The following ATR variants were observed in gnomAD, a reference collection of about 807,000 sequenced individuals.
ATR encodes the protein ATR checkpoint kinase, also known as serine/threonine-protein kinase ATR.
ATR carries 142 observed loss-of-function variants against 305.3 expected under a neutral mutation model. The ratio of observed to expected loss-of-function variants is 0.47; its 90% CI spans 0.41 to 0.53. The LOEUF (loss-of-function observed/expected upper bound fraction) is 0.53, where lower values mean the gene tolerates loss of function less well. Among genes scored for constraint, ATR ranks in the 20% least tolerant of loss-of-function variants. ATR has a pLI of 0.00. For missense variants in ATR, 2,135 were observed against 3,133.1 expected (o/e 0.68, Z 7.60); for synonymous variants, 1,050 against 1,068.1 (o/e 0.98, Z 0.33).
At position 142,547,841 on chromosome 3, in the gene ATR, G is replaced by T. The variant is rs139173669; in HGVS notation, c.3241C>A (p.Leu1081Met). 16 of 1,613,866 alleles carry T rather than the reference G, an allele frequency of 9.9e-6. 1 individual carries two copies. The highest frequency in any genetic ancestry group is 3.3e-4 in the Middle Eastern group (2 of 6,060). Residue 1081 changes from leucine to methionine, a missense_variant, in exon 16 of 47, where the codon CTG becomes ATG. Around this residue, in one of 9 missense-constraint regions of ATR, gnomAD observed 530 missense variants for 766.8 expected, o/e 0.69. Coordinates refer to ENST00000350721, the MANE Select transcript of ATR (RefSeq NM_001184.4). ...TGTTGATAGTGTTCTCCAATACGCA[G>T]CAATAATTCATTATGCAATCCTTGG... is the stretch of plus-strand genomic sequence containing the variant. ...DFQGLHNELL[L>M]RIGEHYQQVF...
rs147303648 is a variant in ATR, at chr3:142,543,434, C to T, written c.3358-677G>A. On this transcript the variant is annotated intron_variant, in intron 16 of 46. Coordinates refer to ENST00000350721, the MANE Select transcript of ATR (RefSeq NM_001184.4). The stretch of plus-strand genomic sequence containing the variant: ...CCCTCCTTTCCTCCCTCCCTCCGTC[C>T]GTCCTTTCTTCCTCCCTCCTTTCCT... 5.4e-4 allele frequency among the ~76,000 whole-genome samples: 79 copies of T among 145,806 alleles called. 1 individual carries two copies. The highest frequency in any genetic ancestry group is 2.7e-3 in the Admixed American group (40 of 14,596).
At chr3:142,552,012 C>T (rs1054536602) in intron 13 of ATR, among the ~76,000 whole-genome samples, 1 of 152,102 alleles carries the variant, frequency 6.6e-6, no homozygotes, top group Non-Finnish European at 1.5e-5. Context: ...TAAACAGACT[C>T]TTCTCCAAAG....
At chr3:142,496,757 C>A (rs987567882) in intron 33 of ATR, among the ~76,000 whole-genome samples, 2 of 151,970 alleles carry the variant, frequency 1.3e-5, no homozygotes, top group African/African-American at 4.8e-5. Context: ...CTATTATGAA[C>A]CTTATTCTTG....
chr3:142,460,240 T>C (rs1169883855), intron 42 of ATR, among the ~76,000 whole-genome samples: 1 of 152,100 alleles, frequency 6.6e-6, no homozygotes, highest in African/African-American at 2.4e-5. Context: ...CTTGGCACAA[T>C]ACCCATTATA....
intron 35 of ATR, among the ~76,000 whole-genome samples, chr3:142,486,492 C>T (rs568991354): frequency 1.3e-5 from 2 of 152,148 alleles, no homozygotes; most frequent in African/African-American, 4.8e-5. Flanking sequence ...TCCTCCCTCT[C>T]TCATTTCAGC....
intron 35 of ATR, among the ~76,000 whole-genome samples, chr3:142,492,408 C>T (rs2031339245): frequency 1.3e-5 from 2 of 152,186 alleles, no homozygotes; most frequent in South Asian, 4.1e-4. Flanking sequence ...CTGAATTATT[C>T]ATGTGCAGGC....
rs2070974073 is a variant in ATR at position 142,459,290 on chromosome 3, AG to A, written c.7285del (p.Leu2429CysfsTer13). ...ATGAAAAATAGGAGGATGCCTGGGC[AG>A]GAGAAATTCTCGGAATACTTTGAGT... ...EKLKVFREFL[L>X]PRHPPIFHEW... On this transcript the variant is annotated frameshift_variant, in exon 43 of 47. Transcript: ENST00000350721. LOFTEE classifies it high-confidence loss of function. 1 of 1,613,908 alleles carries A rather than the reference AG, an allele frequency of 6.2e-7. No individual in the cohort carries two copies. Among genetic ancestry groups the A allele is most frequent in the African/African-American group, 1.3e-5 (1 of 74,948 alleles).
rs1348509356 is a variant in ATR at position 142,523,974 on chromosome 3, C to T, written c.4152+19G>A. 2 of 1,607,506 alleles carry T rather than the reference C, an allele frequency of 1.2e-6. No homozygotes were observed. The highest frequency in any genetic ancestry group is 3.3e-5 in the Admixed American group (2 of 60,000). ...TAGGACAGAGAACTCTTTTGTCATT[C>T]CAAATTTCCACTACTTACCACAAAT... is the stretch of plus-strand genomic sequence containing the variant. On this transcript the variant is annotated intron_variant, in intron 22 of 46. Coordinates refer to ENST00000350721, the MANE Select transcript of ATR (RefSeq NM_001184.4).
chr3:142,565,883 A>G (rs796774103), intron 3 of ATR, among the ~76,000 whole-genome samples: 17 of 152,298 alleles, frequency 1.1e-4, no homozygotes, highest in African/African-American at 3.6e-4. Flanking sequence ...AAACCATGCC[A>G]AAGTGTTCAA....
chr3:142,485,714 C>T (rs368264270), intron 35 of ATR, among the ~76,000 whole-genome samples: 1 of 152,066 alleles, frequency 6.6e-6, no homozygotes, highest in African/African-American at 2.4e-5. Flanking sequence ...GAGTGTAGGA[C>T]TTTAAAAAGC....
At chr3:142,452,467 G>C (rs1360925332) in intron 46 of ATR, 1 of 876,010 alleles carries the variant, frequency 1.1e-6, no homozygotes, top group African/African-American at 1.8e-5. Context: ...TTGAAGCCAG[G>C]GGTTCAAGAC....
Position 142,515,386 on chromosome 3 carries a change from G to T in ATR, c.4503+9C>A. On this transcript the variant is annotated intron_variant, in intron 25 of 46. Coordinates refer to ENST00000350721, the MANE Select transcript of ATR (RefSeq NM_001184.4). ...CCATTCAGTTAACAAACTGAACAGGGTTTCTTACCTTTGTAATAAGATAAC... is the reference window on the plus strand; with the variant it reads ...CCATTCAGTTAACAAACTGAACAGGTTTTCTTACCTTTGTAATAAGATAAC... 3 of 1,613,692 alleles carry T rather than the reference G, an allele frequency of 1.9e-6. No individual in the cohort carries two copies. The highest frequency in any genetic ancestry group is 1.7e-6 in the Non-Finnish European group (2 of 1,179,822).
At chr3:142,464,769 A>C (rs952283720) in intron 41 of ATR, among the ~76,000 whole-genome samples, 8 of 152,206 alleles carry the variant, frequency 5.3e-5, no homozygotes, top group African/African-American at 2.4e-5. Flanking sequence ...TGGGAAGATG[A>C]AAAAAGTTTT....
rs769563634 is a variant in ATR at position 142,465,126 on chromosome 3, G to A, written c.7012C>T (p.Leu2338=). Residue 2338 remains leucine, a synonymous_variant, in exon 41 of 47, where the codon CTA becomes TTA. Coordinates refer to ENST00000350721, the MANE Select transcript of ATR (RefSeq NM_001184.4). Reference sequence around the variant, plus strand: ...TTAATCAAGGAATTGAATTCCATTAGTCTACAATCCTTTCTCAGGTCATCT... The same window carrying A: ...TTAATCAAGGAATTGAATTCCATTAATCTACAATCCTTTCTCAGGTCATCT... The part of the protein sequence containing the change: ...PKDDLRKDCR[L]MEFNSLINKC... 1.3e-6 allele frequency: 2 copies of A among 1,588,872 alleles called. No homozygotes were observed. The highest frequency in any genetic ancestry group is 2.3e-5 in the South Asian group (2 of 85,950).
At chr3:142,543,813 G>A (rs886629621) in intron 16 of ATR, among the ~76,000 whole-genome samples, 2 of 151,942 alleles carry the variant, frequency 1.3e-5, no homozygotes, top group African/African-American at 4.8e-5. Flanking sequence ...GTGACTACAG[G>A]CACGCACCAC....
intron 39 of ATR, 51 bp downstream of exon 39, chr3:142,467,883 T>C: frequency 6.3e-7 from 1 of 1,597,250 alleles, no homozygotes; most frequent in Non-Finnish European, 8.5e-7. Flanking sequence ...GCTCAAATTA[T>C]ATACATAATT....
intron 36 of ATR, among the ~76,000 whole-genome samples, chr3:142,479,132 G>A (rs533931324): frequency 0.065 from 9,882 of 151,164 alleles, 1,025 homozygotes; most frequent in African/African-American, 0.22. Context: ...CTCTCAGTAT[G>A]ATGTTAGCTG....
At chr3:142,486,824 T>A (rs2030955812) in intron 35 of ATR, among the ~76,000 whole-genome samples, 2 of 151,796 alleles carry the variant, frequency 1.3e-5, no homozygotes, top group Non-Finnish European at 2.9e-5. Flanking sequence ...CTATAATAAT[T>A]ATTATTATTG....
At chr3:142,503,623 C>T (rs906709229) in intron 29 of ATR, among the ~76,000 whole-genome samples, 170 bp from the exon 30 acceptor site, 2 of 151,960 alleles carry the variant, frequency 1.3e-5, no homozygotes, top group South Asian at 2.1e-4. Context: ...TGCCATGTTG[C>T]CCAGGCTGGT....
Sources: allele counts gnomAD v4.1 joint callset (sites outside exome capture counted in the v4.1 genomes callset), GRCh38; gene constraint gnomAD v4.1.1; regional missense constraint gnomAD v4.1.1; transcripts MANE v1.5; gene names NCBI Gene and HGNC (gene_info 2026-07-23, HGNC 2026-07-21).